PLEKHH2: variants seen among roughly 807,000 people sequenced by gnomAD.
PLEKHH2 encodes the protein pleckstrin homology, MyTH4 and FERM domain containing H2, also known as pleckstrin homology domain-containing family H member 2.
Under a neutral mutation model 187.9 loss-of-function variants are expected in PLEKHH2, and 129 were observed. That is an observed-to-expected ratio of 0.69 (90% CI 0.59 to 0.79). The LOEUF (loss-of-function observed/expected upper bound fraction) is 0.79, where lower values mean the gene tolerates loss of function less well. Ranked by LOEUF, PLEKHH2 falls within the 30% of genes least tolerant of loss-of-function variation. PLEKHH2 has a pLI of 0.00. For missense variants in PLEKHH2, 2,076 were observed against 1,751.2 expected (o/e 1.19, Z -3.31); for synonymous variants, 686 against 605.6 (o/e 1.13, Z -1.95).
intron 14 of PLEKHH2, chr2:43,711,610 G>A: frequency 1.0e-6 from 1 of 971,086 alleles, no homozygotes; most frequent in Non-Finnish European, 1.2e-6. Context: ...GTAGGAACCT[G>A]GCCGGGCGCG....
chr2:43,725,367 T>A (rs1043184343), intron 16 of PLEKHH2, among the ~76,000 whole-genome samples: 20 of 152,226 alleles, frequency 1.3e-4, no homozygotes, highest in Non-Finnish European at 1.3e-4. Context: ...TAAGGCCCAC[T>A]GTTTTATTGG....
At chr2:43,684,414 T>C (rs1668391756) in intron 3 of PLEKHH2, among the ~76,000 whole-genome samples, 1 of 152,170 alleles carries the variant, frequency 6.6e-6, no homozygotes, top group Non-Finnish European at 1.5e-5. Flanking sequence ...AAATTGAGGA[T>C]GGTTTTGTTT....
intron 18 of PLEKHH2, among the ~76,000 whole-genome samples, chr2:43,730,525 A>G (rs1179905698): frequency 6.6e-6 from 1 of 152,126 alleles, no homozygotes; most frequent in African/African-American, 2.4e-5. Flanking sequence ...CAGCCTCCTG[A>G]GTAGCTGGGA....
intron 29 of PLEKHH2, among the ~76,000 whole-genome samples, chr2:43,764,582 G>A (rs931548634): frequency 1.3e-5 from 2 of 152,126 alleles, no homozygotes. Context: ...CTAAAAATAT[G>A]GTAACATACT....
chr2:43,752,402 A>G lies in PLEKHH2; in HGVS notation c.3654-1217A>G, dbSNP rs182317441. On this transcript the variant is annotated intron_variant, in intron 24 of 29. Coordinates refer to ENST00000282406, the MANE Select transcript of PLEKHH2 (RefSeq NM_172069.4). ...TGGGTAAAGAGGAAAGAATGAATAG[A>G]ATCATGGGGTAGGAGGAGCTTTTCA... Among the ~76,000 whole-genome samples, 179 of 152,240 alleles carry G rather than the reference A, an allele frequency of 1.2e-3. 2 individuals are homozygous for G. Among genetic ancestry groups the G allele is most frequent in the African/African-American group, 4.1e-3 (171 of 41,530 alleles).
intron 21 of PLEKHH2, 75 bp downstream of exon 21, chr2:43,741,118 A>G: frequency 7.6e-7 from 1 of 1,317,736 alleles, no homozygotes; most frequent in Non-Finnish European, 1.1e-6. Flanking sequence ...GTATTTAACG[A>G]TCTGCCAGGT....
At chr2:43,684,315 C>G (rs908288423) in intron 3 of PLEKHH2, among the ~76,000 whole-genome samples, 28 of 151,418 alleles carry the variant, frequency 1.8e-4, no homozygotes, top group African/African-American at 6.8e-4. Flanking sequence ...GTCTATATGT[C>G]TCTATATGTA....
chr2:43,714,245 G>A (rs779709297), intron 15 of PLEKHH2, among the ~76,000 whole-genome samples: 1 of 152,162 alleles, frequency 6.6e-6, no homozygotes, highest in Non-Finnish European at 1.5e-5. Context: ...TATCAGCAAG[G>A]CATGTCAGTT....
intron 5 of PLEKHH2, 104 bp downstream of exon 5, chr2:43,694,618 C>T (rs1315572770): frequency 1.6e-5 from 20 of 1,229,752 alleles, no homozygotes; most frequent in Middle Eastern, 2.4e-4. Context: ...GAATTTTGAT[C>T]GGTTGGTGAT....
chr2:43,695,299 A>G, intron 6 of PLEKHH2, 75 bp downstream of exon 6: 1 of 744,234 alleles, frequency 1.3e-6, no homozygotes. Flanking sequence ...TGATGTTTTA[A>G]AGATGCGATT....
chr2:43,749,488 C>G (rs1671922074), intron 24 of PLEKHH2, among the ~76,000 whole-genome samples: 1 of 152,166 alleles, frequency 6.6e-6, no homozygotes, highest in South Asian at 2.1e-4. Context: ...AGGCCATGGT[C>G]ACACATATTT....
At position 43,700,539 on chromosome 2, in the gene PLEKHH2, C is replaced by T. The variant is rs548806435; in HGVS notation, c.1581C>T (p.His527=). Residue 527 remains histidine (H), a synonymous_variant, in exon 8 of 30, where the codon CAC becomes CAT. Transcript: ENST00000282406. Reference sequence around the variant, plus strand: ...CTCCAAATTCAGATGACCAGGAACACTGTGACTCAGCAAAGAAGGTGGCAT... The same window carrying T: ...CTCCAAATTCAGATGACCAGGAACATTGTGACTCAGCAAAGAAGGTGGCAT... ...LDSPNSDDQE[H]CDSAKKVAYS... The T allele has an allele frequency of 2.5e-6, 4 of 1,613,826 alleles. No individual in the cohort carries two copies. Among genetic ancestry groups the T allele is most frequent in the South Asian group, 2.2e-5 (2 of 91,080 alleles).
intron 2 of PLEKHH2, among the ~76,000 whole-genome samples, chr2:43,673,822 A>G (rs1308725957): frequency 6.6e-6 from 1 of 152,176 alleles, no homozygotes; most frequent in African/African-American, 2.4e-5. Context: ...TCTTGCCTTT[A>G]AGTTCAGTAT....
At chr2:43,761,808 T>G (rs1459726023) in intron 27 of PLEKHH2, among the ~76,000 whole-genome samples, 1 of 152,216 alleles carries the variant, frequency 6.6e-6, no homozygotes, top group Non-Finnish European at 1.5e-5. Flanking sequence ...ATTGTGTTTT[T>G]ATTACACATT....
intron 2 of PLEKHH2, chr2:43,676,205 G>C: frequency 6.2e-7 from 1 of 1,613,958 alleles, no homozygotes; most frequent in East Asian, 2.2e-5. Context: ...TGGTGCTCGT[G>C]GTCTTGAGTT....
rs1243893611 is a variant in PLEKHH2 at position 43,738,497 on chromosome 2, C to T, written c.3100C>T (p.Gln1034Ter). The change falls in exon 20 of 30, where the codon CAG becomes TAG. Residue 1034 changes from glutamine (Q) to a stop codon, truncating the protein, a stop_gained. Transcript: ENST00000282406. LOFTEE classifies it high-confidence loss of function. ...LIKQTRRRQP[Q>*]NQPGPLQGWQ... is the part of the protein sequence containing the mutation. ...TAAACAGACAAGACGAAGACAGCCACAGAATCAACCAGGACCATTGCAGGT... is the reference window on the plus strand; with the variant it reads ...TAAACAGACAAGACGAAGACAGCCATAGAATCAACCAGGACCATTGCAGGT... 3 of 1,612,226 alleles carry T rather than the reference C, an allele frequency of 1.9e-6. No homozygotes were observed. The highest frequency in any genetic ancestry group is 2.5e-6 in the Non-Finnish European group (3 of 1,178,832).
chr2:43,702,182 G>A (rs1363808573), intron 8 of PLEKHH2, among the ~76,000 whole-genome samples: 1 of 152,186 alleles, frequency 6.6e-6, no homozygotes, highest in Non-Finnish European at 1.5e-5. Flanking sequence ...TTGGAGTCAT[G>A]TTCTTTTATT....
chr2:43,673,916 C>A (rs1022428232), intron 2 of PLEKHH2, among the ~76,000 whole-genome samples: 4 of 152,098 alleles, frequency 2.6e-5, no homozygotes, highest in Non-Finnish European at 5.9e-5. Context: ...CCTGATTGCG[C>A]CTTCAAGACA....
intron 2 of PLEKHH2, among the ~76,000 whole-genome samples, chr2:43,655,401 G>C (rs939108930): frequency 2.6e-5 from 4 of 152,128 alleles, no homozygotes; most frequent in African/African-American, 9.7e-5. Context: ...ACTGCTGAAA[G>C]TCTTACAATA....
Sources: allele counts gnomAD v4.1 joint callset (sites outside exome capture counted in the v4.1 genomes callset), GRCh38; gene constraint gnomAD v4.1.1; transcripts MANE v1.5; gene names NCBI Gene and HGNC (gene_info 2026-07-23, HGNC 2026-07-21).